COP1: variants seen among roughly 807,000 people sequenced by gnomAD.
COP1 encodes E3 ubiquitin-protein ligase COP1.
COP1 carries 24 observed loss-of-function variants against 101.3 expected under a neutral mutation model. The ratio of observed to expected loss-of-function variants is 0.24; its 90% CI spans 0.17 to 0.33. The LOEUF (loss-of-function observed/expected upper bound fraction) is 0.33. COP1 is among the 10% of genes least tolerant of loss of function. The pLI is 1.00. For synonymous variants in COP1, 347 were observed against 341.9 expected (o/e 1.01, Z -0.17); for missense variants, 663 against 906.2 (o/e 0.73, Z 3.45).
chr1:176,026,455 A>C (rs916552635), intron 15 of COP1, among the ~76,000 whole-genome samples: 2 of 152,144 alleles, frequency 1.3e-5, no homozygotes, highest in African/African-American at 4.8e-5. Context: ...ACTTGGGAGA[A>C]AGTTAAAGAA....
chr1:175,981,190 T>A (rs1655772053), intron 18 of COP1, among the ~76,000 whole-genome samples: 1 of 152,140 alleles, frequency 6.6e-6, no homozygotes, highest in African/African-American at 2.4e-5. Flanking sequence ...ATTTTTCAGG[T>A]TTATTTATTT....
intron 15 of COP1, among the ~76,000 whole-genome samples, chr1:176,004,484 G>A (rs910006159): frequency 3.9e-4 from 55 of 142,178 alleles, no homozygotes; most frequent in South Asian, 1.4e-3. Context: ...TAATGGCTGT[G>A]GGTTTGTCAT....
intron 15 of COP1, among the ~76,000 whole-genome samples, chr1:176,003,168 T>C (rs1240937796): frequency 2.0e-5 from 3 of 152,186 alleles, no homozygotes; most frequent in Non-Finnish European, 4.4e-5. Context: ...TTGAGAAGTG[T>C]CTGTTCATGT....
chr1:176,121,464 T>C (rs922451627), intron 8 of COP1, among the ~76,000 whole-genome samples: 3 of 152,104 alleles, frequency 2.0e-5, no homozygotes, highest in African/African-American at 4.8e-5. Flanking sequence ...CTAACATTTA[T>C]TGAGTTCTTA....
At chr1:176,014,042 T>C (rs992114350) in intron 15 of COP1, among the ~76,000 whole-genome samples, 3 of 152,216 alleles carry the variant, frequency 2.0e-5, no homozygotes, top group Non-Finnish European at 4.4e-5. Flanking sequence ...TCCTTCAAAA[T>C]ATACAAAGTA....
chr1:176,080,433 A>C (rs551766090), intron 11 of COP1, among the ~76,000 whole-genome samples: 1 of 152,170 alleles, frequency 6.6e-6, no homozygotes, highest in African/African-American at 2.4e-5. Flanking sequence ...AAGATTAATG[A>C]TAACAGAAAA....
chr1:175,994,400 A>C (rs1175792122), intron 15 of COP1, among the ~76,000 whole-genome samples: 1 of 152,222 alleles, frequency 6.6e-6, no homozygotes, highest in African/African-American at 2.4e-5. Context: ...AACAATATTA[A>C]CTTTAAAGGT....
At chr1:176,003,104 C>T (rs1418790075) in intron 15 of COP1, among the ~76,000 whole-genome samples, 1 of 151,994 alleles carries the variant, frequency 6.6e-6, no homozygotes. Context: ...TTTCTGATGG[C>T]CAGTGATGAT....
At chr1:176,164,279 C>T (rs1694766096) in intron 3 of COP1, among the ~76,000 whole-genome samples, 1 of 152,144 alleles carries the variant, frequency 6.6e-6, no homozygotes, top group South Asian at 2.1e-4. Flanking sequence ...TGCATTTGTT[C>T]TTTTTCTTTG....
chr1:176,158,962 G>A (rs1693892339), intron 5 of COP1, among the ~76,000 whole-genome samples: 1 of 152,046 alleles, frequency 6.6e-6, no homozygotes, highest in Non-Finnish European at 1.5e-5. Flanking sequence ...TAATACAGAT[G>A]AAGTAGTATA....
intron 18 of COP1, among the ~76,000 whole-genome samples, chr1:175,951,832 A>G (rs1255686269): frequency 6.6e-6 from 1 of 152,116 alleles, no homozygotes; most frequent in Non-Finnish European, 1.5e-5. Flanking sequence ...CAACCTAATA[A>G]ATGTATAATT....
chr1:176,046,335 A>T lies in COP1; in HGVS notation c.1278-11T>A. On this transcript the variant is annotated splice_polypyrimidine_tract_variant and intron_variant, in intron 11 of 19. Coordinates refer to ENST00000367669, the MANE Select transcript of COP1 (RefSeq NM_022457.7). ...CGGTCAAATTCAATACTAAGGGGAA[A>T]AAGTATGTAATGACAACATTTCAGA... 1 of 1,604,312 alleles carries T rather than the reference A, an allele frequency of 6.2e-7. No homozygotes were observed. Among genetic ancestry groups the T allele is most frequent in the Non-Finnish European group, 8.5e-7 (1 of 1,177,354 alleles).
intron 15 of COP1, among the ~76,000 whole-genome samples, chr1:176,015,383 T>G (rs1476691306): frequency 1.3e-5 from 2 of 152,156 alleles, no homozygotes; most frequent in East Asian, 3.9e-4. Flanking sequence ...AGAGTCCAAT[T>G]AACAACGACA....
At chr1:176,007,020 C>T (rs1338505612) in intron 15 of COP1, among the ~76,000 whole-genome samples, 2 of 152,030 alleles carry the variant, frequency 1.3e-5, no homozygotes, top group Non-Finnish European at 2.9e-5. Context: ...TCACATAGTC[C>T]CGTATTTCTT....
chr1:176,099,518 TCTCTCTCTCTCTCTC>T lies in COP1; in HGVS notation c.1027-13643_1027-13629del, dbSNP rs752472140. On this transcript the variant is annotated intron_variant, in intron 9 of 19. Coordinates refer to ENST00000367669, the MANE Select transcript of COP1 (RefSeq NM_022457.7). ...TGGAGCATATTTGTCTCTCTCTCTC[TCTCTCTCTCTCTCTC>T]TCTCTCTCCCTGGCTTCTCCAGAAT... is the stretch of plus-strand genomic sequence containing the variant. Among the ~76,000 whole-genome samples the T allele has an allele frequency of 6.1e-3, 731 of 119,898 alleles. 2 individuals are homozygous for T. Among genetic ancestry groups the T allele is most frequent in the Non-Finnish European group, 9.9e-3 (522 of 52,868 alleles). The allele number at this position is 119,898 out of a possible 152,430, so 78.7% of individuals were successfully genotyped here.
intron 18 of COP1, among the ~76,000 whole-genome samples, chr1:175,958,806 C>T (rs1310320455): frequency 6.6e-6 from 1 of 152,000 alleles, no homozygotes; most frequent in Non-Finnish European, 1.5e-5. Flanking sequence ...AATCATCCTA[C>T]AGGTATTAAA....
At chr1:176,196,461 G>GATACC (rs1236322515) in intron 1 of COP1, among the ~76,000 whole-genome samples, 3 of 152,000 alleles carry the variant, frequency 2.0e-5, no homozygotes, top group African/African-American at 7.3e-5. Flanking sequence ...AAAGAATAAG[G>GATACC]GGTATATTAT....
chr1:176,193,439 CAT>C (rs146481142), intron 1 of COP1, among the ~76,000 whole-genome samples: 10,656 of 152,164 alleles, frequency 0.07, 462 homozygotes, highest in Admixed American at 0.088. Flanking sequence ...AGACTAGAAA[CAT>C]GTGTTAAAAC....
chr1:176,205,188 A>G (rs55815340), intron 1 of COP1, among the ~76,000 whole-genome samples: 10,248 of 152,258 alleles, frequency 0.067, 427 homozygotes, highest in Middle Eastern at 0.12. Context: ...AATTATGCAC[A>G]CCCCACTTTG....
Sources: allele counts gnomAD v4.1 joint callset (sites outside exome capture counted in the v4.1 genomes callset), GRCh38; gene constraint gnomAD v4.1.1; transcripts MANE v1.5; gene names NCBI Gene and HGNC (gene_info 2026-07-23, HGNC 2026-07-21).